VAMP4: variants seen among roughly 807,000 people sequenced by gnomAD.
VAMP4 encodes the protein vesicle-associated membrane protein 4.
Under a neutral mutation model 23.5 loss-of-function variants are expected in VAMP4, and 19 were observed. The ratio of observed to expected loss-of-function variants is 0.81; its 90% CI spans 0.56 to 1.19. The LOEUF is 1.19. VAMP4 is among the 50% of genes most tolerant of loss of function. VAMP4 has a pLI of 0.00. For missense variants in VAMP4, 145 were observed against 168.6 expected (o/e 0.86, Z 0.78); for synonymous variants, 31 against 51.0 (o/e 0.61, Z 1.67).
chr1:171,730,700 G>A (rs1655531845), intron 2 of VAMP4, among the ~76,000 whole-genome samples: 1 of 136,412 alleles, frequency 7.3e-6, no homozygotes, highest in African/African-American at 2.7e-5. Flanking sequence ...GAGGGGGAAG[G>A]GAGTAAAGTA....
At chr1:171,723,249 A>T (rs537437321) in intron 3 of VAMP4, among the ~76,000 whole-genome samples, 1 of 152,302 alleles carries the variant, frequency 6.6e-6, no homozygotes, top group South Asian at 2.1e-4. Context: ...TAAAATTGCT[A>T]ATGAAGTTTC....
At chr1:171,713,212 T>TG (rs772867480) in intron 4 of VAMP4, among the ~76,000 whole-genome samples, 2 of 152,036 alleles carry the variant, frequency 1.3e-5, no homozygotes, top group Non-Finnish European at 1.5e-5. Context: ...AAGCAGTGAC[T>TG]GTAGAGCCCT....
intron 3 of VAMP4, among the ~76,000 whole-genome samples, chr1:171,720,663 T>G (rs1393539584): frequency 6.6e-6 from 1 of 152,082 alleles, no homozygotes; most frequent in African/African-American, 2.4e-5. Flanking sequence ...TAAAATTATT[T>G]TTAAAAAATC....
rs188129496 is a variant in VAMP4 at position 171,731,296 on chromosome 1, T to A, written c.67-2726A>T. Among the ~76,000 whole-genome samples, 13 of 152,164 alleles carry A rather than the reference T, an allele frequency of 8.5e-5. No homozygotes were observed. In the East Asian group the frequency reaches 2.5e-3, roughly 29 times the overall value. On this transcript the variant is annotated intron_variant, in intron 2 of 7. Transcript: ENST00000236192. ...TGGGGAGAAGGGGGAGTGATAGCAT[T>A]AGGAGATATACCTAATGTTAAATGA...
intron 1 of VAMP4, among the ~76,000 whole-genome samples, chr1:171,740,521 C>T (rs994847316): frequency 1.3e-5 from 2 of 152,150 alleles, no homozygotes; most frequent in Non-Finnish European, 2.9e-5. Flanking sequence ...GTAACAAAAA[C>T]CAAATTCTTG....
chr1:171,710,113 T>C (rs1245234475), intron 5 of VAMP4, among the ~76,000 whole-genome samples: 1 of 151,730 alleles, frequency 6.6e-6, no homozygotes, highest in Non-Finnish European at 1.5e-5. Context: ...GTTGAGAAGT[T>C]AGCTTCTTAG....
At chr1:171,724,853 C>T (rs1655316252) in intron 3 of VAMP4, among the ~76,000 whole-genome samples, 1 of 152,144 alleles carries the variant, frequency 6.6e-6, no homozygotes, top group African/African-American at 2.4e-5. Context: ...ATAGTGATTA[C>T]TATGGTATTG....
intron 4 of VAMP4, among the ~76,000 whole-genome samples, chr1:171,715,192 A>T (rs4309015): frequency 5.9e-5 from 9 of 152,358 alleles, no homozygotes; most frequent in African/African-American, 2.2e-4. Context: ...ATGGCTATTA[A>T]CTAAAATAAA....
chr1:171,723,117 A>C (rs1655250969), intron 3 of VAMP4, among the ~76,000 whole-genome samples: 1 of 152,134 alleles, frequency 6.6e-6, no homozygotes, highest in Non-Finnish European at 1.5e-5. Flanking sequence ...TTTTGTTGTG[A>C]TTTTCAAAGG....
chr1:171,722,478 A>G (rs1419484843), intron 3 of VAMP4, among the ~76,000 whole-genome samples: 6 of 152,194 alleles, frequency 3.9e-5, no homozygotes, highest in Non-Finnish European at 7.3e-5. Flanking sequence ...AACCTACAGA[A>G]TGGGAGAAAA....
intron 5 of VAMP4, among the ~76,000 whole-genome samples, chr1:171,710,184 G>A (rs1654802961): frequency 1.3e-5 from 2 of 151,224 alleles, no homozygotes; most frequent in South Asian, 4.2e-4. Context: ...GTGACTAAGC[G>A]AGGTGTTTTT....
chr1:171,708,636 G>T (rs972643899), intron 6 of VAMP4, among the ~76,000 whole-genome samples: 3 of 151,246 alleles, frequency 2.0e-5, no homozygotes, highest in Non-Finnish European at 4.4e-5. Flanking sequence ...CAAGGCAGGT[G>T]GATCACCTGA....
chr1:171,723,985 C>T (rs564765262), intron 3 of VAMP4, among the ~76,000 whole-genome samples: 34 of 152,156 alleles, frequency 2.2e-4, no homozygotes, highest in South Asian at 2.1e-3. Flanking sequence ...CTTCCCACAA[C>T]GGATTATAAA....
intron 4 of VAMP4, among the ~76,000 whole-genome samples, chr1:171,714,972 G>C (rs2124846191): frequency 6.6e-6 from 1 of 152,252 alleles, no homozygotes; most frequent in East Asian, 1.9e-4. Flanking sequence ...ATGACATCAA[G>C]ACCCCTGTGC....
chr1:171,722,458 G>A (rs1056533318), intron 3 of VAMP4, among the ~76,000 whole-genome samples: 3 of 152,140 alleles, frequency 2.0e-5, no homozygotes, highest in African/African-American at 7.2e-5. Flanking sequence ...TACCATCAGA[G>A]TGAACAGGCA....
chr1:171,722,916 AAGGAT>A lies in VAMP4; in HGVS notation c.114-3700_114-3696del. 1.9e-5 allele frequency among the ~76,000 whole-genome samples: 2 copies of A among 104,484 alleles called. 1 individual carries two copies. Among genetic ancestry groups the A allele is most frequent in the South Asian group, 5.9e-4 (2 of 3,378 alleles). The allele number at this position is 104,484 out of a possible 152,430, so 68.5% of individuals were successfully genotyped here. A position where few individuals can be genotyped will look rare whatever the true frequency, so the allele number is the denominator to read the frequency against. On this transcript the variant is annotated intron_variant, in intron 3 of 7. Transcript: ENST00000236192. ...CATCCCATTACTGGGCATATACCCA[AAGGAT>A]TATATCAAGGGAACCACCCCCGATA...
intron 4 of VAMP4, among the ~76,000 whole-genome samples, chr1:171,717,653 G>T (rs557356127): frequency 1.2e-4 from 18 of 151,762 alleles, no homozygotes; most frequent in Admixed American, 7.2e-4. Context: ...TCACTTTGTT[G>T]CTCAGGCTGG....
intron 5 of VAMP4, among the ~76,000 whole-genome samples, chr1:171,710,097 T>A (rs1654800184): frequency 6.6e-6 from 1 of 151,782 alleles, no homozygotes; most frequent in Non-Finnish European, 1.5e-5. Context: ...AGAAAAAAAA[T>A]TACATGTTGA....
Position 171,709,703 on chromosome 1 carries a change from T to G in VAMP4, c.307A>C (p.Lys103Gln). 1.2e-6 allele frequency: 2 copies of G among 1,613,388 alleles called. No homozygotes were observed. Among genetic ancestry groups the G allele is most frequent in the Non-Finnish European group, 1.7e-6 (2 of 1,179,492 alleles). Reference sequence around the variant, plus strand: ...CACCACATTTGCCTTCGAAGTTGTTTGGATCTGTTGCTAAAAGCTGTTGCA... The same window carrying G: ...CACCACATTTGCCTTCGAAGTTGTTGGGATCTGTTGCTAAAAGCTGTTGCA... The part of the protein sequence containing the change: ...DNATAFSNRS[K>Q]QLRRQMWWRG... Residue 103 changes from lysine to glutamine, a missense_variant, in exon 6 of 8, where the codon AAA becomes CAA. Physicochemically the swap from Lys to Gln is moderately conservative, Grantham distance 53. Coordinates refer to ENST00000236192, the MANE Select transcript of VAMP4 (RefSeq NM_003762.5).
Sources: allele counts gnomAD v4.1 joint callset (sites outside exome capture counted in the v4.1 genomes callset), GRCh38; gene constraint gnomAD v4.1.1; transcripts MANE v1.5; gene names NCBI Gene and HGNC (gene_info 2026-07-23, HGNC 2026-07-21).